Variants in ZCWPW2 observed in about 807,000 individuals in gnomAD.
ZCWPW2 encodes the protein zinc finger CW-type and PWWP domain containing 2.
ZCWPW2 carries 45 observed loss-of-function variants against 46.6 expected under a neutral mutation model. That is an observed-to-expected ratio of 0.96 (90% CI 0.76 to 1.24). The LOEUF is 1.24. ZCWPW2 is among the 50% of genes most tolerant of loss of function. The probability of loss-of-function intolerance (pLI) is 0.00; values close to 1 mark genes in which losing one functional copy is unlikely to be tolerated. For synonymous variants in ZCWPW2, 152 were observed against 137.1 expected, an observed-to-expected ratio of 1.11 and a Z score of -0.76; for missense variants, 429 against 403.9, an observed-to-expected ratio of 1.06 and a Z score of -0.53.
chr3:28,428,677 G>T (rs1697121226), intron 3 of ZCWPW2, among the ~76,000 whole-genome samples: 1 of 152,180 alleles, frequency 6.6e-6, no homozygotes, highest in Admixed American at 6.5e-5. Context: ...ATCTCCACGT[G>T]TTGGGGGCAG....
chr3:28,370,809 C>T lies in ZCWPW2; in HGVS notation c.-133-19689C>T, dbSNP rs138079342. On this transcript the variant is annotated intron_variant, in intron 1 of 9. Coordinates refer to ENST00000383768, the MANE Select transcript of ZCWPW2 (RefSeq NM_001040432.4). ...GTGCAATGGTGTAATCTCGGCTCAA[C>T]GCAACCTCCACCTCTCCGATTCAAG... Among the ~76,000 whole-genome samples the T allele has an allele frequency of 1.9e-3, 296 of 152,186 alleles. 3 individuals carry two copies. The highest frequency in any genetic ancestry group is 6.7e-3 in the African/African-American group (278 of 41,536).
chr3:28,514,093 G>A lies in ZCWPW2; in HGVS notation c.687G>A (p.Lys229=). The part of the protein sequence containing the change: ...RKQTSKNNIE[K]KKPKFRKRKR... ...AGACTTCTAAAAATAATATTGAAAA[G>A]AAGAAGCCCAAATTTAGAAAAAGGA... Residue 229 remains lysine, a synonymous_variant, in exon 7 of 10, where the codon AAG becomes AAA. Transcript: ENST00000383768. The A allele has an allele frequency of 6.7e-7, 1 of 1,503,690 alleles. No homozygotes were observed. Among genetic ancestry groups the A allele is most frequent in the Non-Finnish European group, 9.1e-7 (1 of 1,099,438 alleles). The allele number at this position is 1,503,690 out of a possible 1,614,324, so 93.1% of individuals were successfully genotyped here. A position where few individuals can be genotyped will look rare whatever the true frequency, so the allele number is the denominator to read the frequency against.
chr3:28,377,114 T>C (rs1705525163), intron 1 of ZCWPW2, among the ~76,000 whole-genome samples: 1 of 152,106 alleles, frequency 6.6e-6, no homozygotes, highest in African/African-American at 2.4e-5. Flanking sequence ...TAGAGACCTT[T>C]AGTTTGTTTT....
intron 1 of ZCWPW2, among the ~76,000 whole-genome samples, chr3:28,376,734 T>C (rs973529672): frequency 8.5e-5 from 13 of 152,156 alleles, no homozygotes; most frequent in African/African-American, 3.1e-4. Context: ...TGATTCCTTG[T>C]ACTCCACCAT....
At chr3:28,495,229 G>C (rs1699947916) in intron 6 of ZCWPW2, among the ~76,000 whole-genome samples, 2 of 152,058 alleles carry the variant, frequency 1.3e-5, no homozygotes, top group African/African-American at 4.8e-5. Context: ...CTTTTCACTG[G>C]CTGAATAATG....
At chr3:28,387,955 G>A (rs1275527288) in intron 1 of ZCWPW2, among the ~76,000 whole-genome samples, 4 of 152,148 alleles carry the variant, frequency 2.6e-5, no homozygotes, top group Admixed American at 2.0e-4. Context: ...AAATGTGTAT[G>A]TATAGAGAGA....
At chr3:28,435,408 T>C (rs1168656768) in intron 4 of ZCWPW2, 139 bp downstream of exon 4, 8 of 734,914 alleles carry the variant, frequency 1.1e-5, no homozygotes, top group Non-Finnish European at 1.6e-5. Context: ...CAAATATTTG[T>C]ATTTTTAGTG....
chr3:28,473,735 A>G (rs1285164540), intron 4 of ZCWPW2, among the ~76,000 whole-genome samples: 2 of 152,206 alleles, frequency 1.3e-5, no homozygotes, highest in Admixed American at 1.3e-4. Context: ...AACAACATGG[A>G]TGGAACTGGA....
chr3:28,407,109 G>C (rs1441552002), intron 2 of ZCWPW2, among the ~76,000 whole-genome samples: 1 of 152,144 alleles, frequency 6.6e-6, no homozygotes, highest in Non-Finnish European at 1.5e-5. Flanking sequence ...TTACAGGCAT[G>C]AGCCATTGCA....
chr3:28,369,194 G>A (rs893533211), intron 1 of ZCWPW2, among the ~76,000 whole-genome samples: 1 of 152,196 alleles, frequency 6.6e-6, no homozygotes, highest in Non-Finnish European at 1.5e-5. Flanking sequence ...TTGTTCCGTT[G>A]CTGGTGAGGA....
chr3:28,383,663 T>A (rs894225093), intron 1 of ZCWPW2, among the ~76,000 whole-genome samples: 6 of 152,184 alleles, frequency 3.9e-5, no homozygotes, highest in African/African-American at 1.4e-4. Context: ...CAAGACATTC[T>A]AAATATTGGG....
intron 7 of ZCWPW2, 74 bp from the exon 8 acceptor site, chr3:28,515,480 G>T: frequency 9.0e-7 from 1 of 1,110,856 alleles, no homozygotes; most frequent in Middle Eastern, 2.3e-4. Flanking sequence ...AGTTACCAAT[G>T]AATAGGCACA....
chr3:28,348,777 G>C lies in ZCWPW2; in HGVS notation c.-560G>C, dbSNP rs549667568. The C allele has an allele frequency of 1.2e-4, 23 of 187,882 alleles. No homozygotes were observed. In the South Asian group the frequency reaches 4.1e-3, roughly 34 times the overall value. 11.6% of individuals were successfully genotyped at this position (187,882 alleles called of 1,614,324 possible). A position where few individuals can be genotyped will look rare whatever the true frequency, so the allele number is the denominator to read the frequency against. ...CTGCTCCGGGCACGTCGCGGAGGGA[G>C]TCCCATTTCTTCTGACTCGGCAGGA... On this transcript the variant is annotated 5_prime_UTR_variant, in exon 1 of 10. Transcript: ENST00000383768.
intron 1 of ZCWPW2, among the ~76,000 whole-genome samples, chr3:28,382,852 G>T (rs1204572756): frequency 2.6e-5 from 4 of 152,116 alleles, no homozygotes; most frequent in Non-Finnish European, 5.9e-5. Flanking sequence ...GTTAGTTTCA[G>T]TCTTTCCACA....
At chr3:28,511,593 G>T (rs1268962323) in intron 6 of ZCWPW2, among the ~76,000 whole-genome samples, 1 of 151,990 alleles carries the variant, frequency 6.6e-6, no homozygotes. Context: ...TGCTTAATGG[G>T]TTTAACAATG....
chr3:28,447,176 G>T (rs559702324), intron 4 of ZCWPW2, among the ~76,000 whole-genome samples: 15 of 151,922 alleles, frequency 9.9e-5, no homozygotes, highest in Non-Finnish European at 2.1e-4. Flanking sequence ...CATTACTCTG[G>T]TACAAAAGAC....
In ZCWPW2 at chr3:28,497,315, A is replaced by G. The variant is rs147161856; in HGVS notation, c.657+5142A>G. ...TTTTTTTACAATGAGATCTTATTATATATGTTACTCTATAGATTTAAATAC... is the reference window on the plus strand; with the variant it reads ...TTTTTTTACAATGAGATCTTATTATGTATGTTACTCTATAGATTTAAATAC... On this transcript the variant is annotated intron_variant, in intron 6 of 9. Transcript: ENST00000383768. 4.5e-3 allele frequency among the ~76,000 whole-genome samples: 687 copies of G among 151,770 alleles called. 12 individuals carry two copies. Among genetic ancestry groups the G allele is most frequent in the African/African-American group, 0.016 (662 of 41,456 alleles).
In ZCWPW2 at chr3:28,435,152, T is replaced by A; in HGVS notation, c.375T>A (p.Tyr125Ter). The change falls in exon 4 of 10, where the codon TAT (tyrosine) becomes TAA (stop). Residue 125 changes from tyrosine to a stop codon, truncating the protein, a stop_gained. Coordinates refer to ENST00000383768, the MANE Select transcript of ZCWPW2 (RefSeq NM_001040432.4). LOFTEE classifies it high-confidence loss of function. ...ILCPDRFKGK[Y>*]VTYDPDGNVE... The stretch of plus-strand genomic sequence containing the variant: ...GCCCTGACCGTTTTAAAGGGAAATA[T>A]GTAACTTATGACCCGGATGGAAATG... 1 of 1,613,160 alleles carries A rather than the reference T, an allele frequency of 6.2e-7. No homozygotes were observed. Among genetic ancestry groups the A allele is most frequent in the Non-Finnish European group, 8.5e-7 (1 of 1,179,840 alleles).
At chr3:28,486,382 G>A (rs1014922800) in intron 5 of ZCWPW2, among the ~76,000 whole-genome samples, 3 of 151,986 alleles carry the variant, frequency 2.0e-5, no homozygotes, top group African/African-American at 7.3e-5. Context: ...AAAGTAAAAA[G>A]TTTTTACTTT....
Sources: gnomAD v4.1 joint callset for allele counts (sites outside exome capture counted in the v4.1 genomes callset) on GRCh38, gnomAD v4.1.1 for gene constraint, MANE v1.5 for transcripts, NCBI Gene and HGNC (gene_info 2026-07-23, HGNC 2026-07-21) for gene names.